Variants in AHCY observed in about 807,000 individuals in gnomAD.
AHCY encodes adenosylhomocysteinase.
Under a neutral mutation model 45.4 loss-of-function variants are expected in AHCY, and 24 were observed. The observed-to-expected ratio is 0.53, with a 90% CI of 0.38 to 0.74. The LOEUF (loss-of-function observed/expected upper bound fraction) is 0.74, where lower values mean the gene tolerates loss of function less well. Among genes scored for constraint, AHCY ranks in the 30% least tolerant of loss-of-function variants. The pLI is 0.00. For synonymous variants in AHCY, 245 were observed against 235.1 expected (o/e 1.04, Z -0.39); for missense variants, 449 against 594.1 (o/e 0.76, Z 2.54).
intron 8 of AHCY, among the ~76,000 whole-genome samples, chr20:34,287,055 C>G (rs1321191035): frequency 6.6e-6 from 1 of 152,106 alleles, no homozygotes; most frequent in Non-Finnish European, 1.5e-5. Flanking sequence ...CCAGCTCTTC[C>G]CTTGCCATCC....
At chr20:34,301,731 C>G in intron 1 of AHCY, 4 of 825,732 alleles carry the variant, frequency 4.8e-6, no homozygotes, top group Non-Finnish European at 5.8e-6. Context: ...CATTCCAGCT[C>G]TACTATTGAT....
At chr20:34,241,630 G>C in the AHCY span, 1 of 689,966 alleles carries the variant, frequency 1.4e-6, no homozygotes, top group African/African-American at 1.9e-5. Flanking sequence ...GGTCAGAGTA[G>C]TTAAGAGGAG....
the AHCY span, among the ~76,000 whole-genome samples, chr20:34,247,155 G>A: frequency 1.3e-5 from 2 of 151,978 alleles, no homozygotes; most frequent in South Asian, 2.1e-4. Context: ...AATGTAGCCC[G>A]TTGTGTTTAA....
chr20:34,295,661 C>T (rs1445108345), intron 1 of AHCY, 76 bp from the exon 2 acceptor site: 1 of 1,479,194 alleles, frequency 6.8e-7, no homozygotes, highest in African/African-American at 1.4e-5. Flanking sequence ...CTGCATGGAC[C>T]CCGATCCACG....
In AHCY at chr20:34,290,623, G is replaced by A; in HGVS notation, c.782C>T (p.Thr261Ile). The A allele has an allele frequency of 6.2e-7, 1 of 1,614,144 alleles. No individual in the cohort carries two copies. Among genetic ancestry groups the A allele is most frequent in the East Asian group, 2.2e-5 (1 of 44,866 alleles). The change falls in exon 7 of 10, where the codon ACC becomes ATC. Residue 261 changes from threonine to isoleucine, a missense_variant. Transcript: ENST00000217426. The surrounding 1 kb of genome is among the most constrained non-coding windows in gnomAD (Gnocchi z 4.5). ...QAAMEGYEVT[T>I]MDEACQEGNI... ...GCCCTCCTGACAGGCCTCATCCATG[G>A]TGGTCACCTCATAGCCTGTGCAGAG...
chr20:34,249,180 A>T, the AHCY span, among the ~76,000 whole-genome samples: 1 of 152,140 alleles, frequency 6.6e-6, no homozygotes, highest in African/African-American at 2.4e-5. Flanking sequence ...GTGAAGAAAA[A>T]GTTATCCATA....
chr20:34,307,895 C>G (rs2036912149), upstream of AHCY, among the ~76,000 whole-genome samples: 1 of 152,026 alleles, frequency 6.6e-6, no homozygotes, highest in Admixed American at 6.6e-5. Flanking sequence ...TATTTCATCA[C>G]CTGGGTACGA....
chr20:34,288,813 T>TA (rs1266272393), intron 8 of AHCY, among the ~76,000 whole-genome samples: 1 of 152,178 alleles, frequency 6.6e-6, no homozygotes, highest in East Asian at 1.9e-4. Context: ...TCCAGAAACA[T>TA]ACTACTTTTA....
downstream of AHCY, among the ~76,000 whole-genome samples, chr20:34,275,493 CAG>C (rs2035903297): frequency 6.6e-6 from 1 of 152,078 alleles, no homozygotes; most frequent in African/African-American, 2.4e-5. Context: ...TTCTCCACTA[CAG>C]CGAGACTCAG....
the AHCY span, chr20:34,246,461 G>T: frequency 7.1e-7 from 1 of 1,402,494 alleles, no homozygotes; most frequent in South Asian, 1.2e-5. Flanking sequence ...GACTCGAAGT[G>T]GGTAATTGGC....
At chr20:34,252,497 T>C in the AHCY span, among the ~76,000 whole-genome samples, 1 of 152,184 alleles carries the variant, frequency 6.6e-6, no homozygotes, top group Non-Finnish European at 1.5e-5. Flanking sequence ...AGCAGTATTG[T>C]TGTCAGTATA....
intron 1 of AHCY, among the ~76,000 whole-genome samples, chr20:34,301,333 G>A (rs1353715455): frequency 1.3e-5 from 2 of 152,052 alleles, no homozygotes; most frequent in African/African-American, 4.8e-5. Context: ...CTCCTTCAGT[G>A]CCCTCGAGGA....
the AHCY span, among the ~76,000 whole-genome samples, chr20:34,250,753 A>G: frequency 1.3e-5 from 2 of 152,192 alleles, no homozygotes; most frequent in South Asian, 4.2e-4. Flanking sequence ...CTCTTCTTCC[A>G]TTCTCATCTC....
intron 1 of AHCY, among the ~76,000 whole-genome samples, chr20:34,296,496 T>C (rs2036582156): frequency 6.6e-6 from 1 of 152,222 alleles, no homozygotes; most frequent in South Asian, 2.1e-4. Flanking sequence ...TAACAAAAAG[T>C]ATTTCAGGTG....
At chr20:34,269,123 T>C in the AHCY span, 1 of 1,557,724 alleles carries the variant, frequency 6.4e-7, no homozygotes, top group South Asian at 1.2e-5. Context: ...GTGCCGCTTC[T>C]TCCGCAGCGC....
At chr20:34,235,897 GGAAA>G in the AHCY span, among the ~76,000 whole-genome samples, 103 of 64,978 alleles carry the variant, frequency 1.6e-3, 10 homozygotes, top group African/African-American at 0.014. Context: ...AAGGAAGGAA[GGAAA>G]GGAAGGAAGG....
the AHCY span, chr20:34,262,733 GA>G: frequency 1.5e-6 from 2 of 1,346,058 alleles, no homozygotes; most frequent in East Asian, 4.6e-5. Context: ...TCCTCTCCCT[GA>G]CCTTGTGACT....
In AHCY at chr20:34,290,655, G is replaced by A. The variant is rs2036347952; in HGVS notation, c.767-17C>T. The A allele has an allele frequency of 6.2e-7, 1 of 1,614,052 alleles. No homozygotes were observed. The highest frequency in any genetic ancestry group is 8.5e-7 in the Non-Finnish European group (1 of 1,179,994). On this transcript the variant is annotated splice_polypyrimidine_tract_variant and intron_variant, in intron 6 of 9. Coordinates refer to ENST00000217426, the MANE Select transcript of AHCY (RefSeq NM_000687.4). The surrounding 1 kb of genome is among the most constrained non-coding windows in gnomAD (Gnocchi z 4.5). Reference sequence around the variant, plus strand: ...CCTCATAGCCTGTGCAGAGACAGTGGCTGTGGGTCATCTACGGTGGCCTTG... The same window carrying A: ...CCTCATAGCCTGTGCAGAGACAGTGACTGTGGGTCATCTACGGTGGCCTTG...
At chr20:34,278,705 G>C (rs819174), downstream of AHCY, among the ~76,000 whole-genome samples, 113,304 of 152,120 alleles carry the variant, frequency 0.74, 45,530 homozygotes, top group Non-Finnish European at 0.89. Context: ...GCTCCTCTCA[G>C]AGCCTCAGAC....
Sources: allele counts gnomAD v4.1 joint callset (sites outside exome capture counted in the v4.1 genomes callset), GRCh38; gene constraint gnomAD v4.1.1; non-coding constraint Gnocchi (gnomAD v3.1); transcripts MANE v1.5; gene names NCBI Gene and HGNC (gene_info 2026-07-23, HGNC 2026-07-21).